GDPD4: variants seen among roughly 807,000 people sequenced by gnomAD.
The protein encoded by GDPD4 is glycerophosphodiester phosphodiesterase domain containing 4, also known as glycerophosphodiester phosphodiesterase 6.
GDPD4 carries 60 observed loss-of-function variants against 67.8 expected under a neutral mutation model. The ratio of observed to expected loss-of-function variants is 0.88; its 90% CI spans 0.72 to 1.10. The LOEUF is 1.10. GDPD4 is among the 50% of genes least tolerant of loss of function. The pLI is 0.00. For missense variants in GDPD4, 623 were observed against 613.9 expected (o/e 1.01, Z -0.16); for synonymous variants, 212 against 210.9 (o/e 1.00, Z -0.04).
chr11:77,287,867 T>C (rs1449450751), intron 1 of GDPD4, among the ~76,000 whole-genome samples: 2 of 152,198 alleles, frequency 1.3e-5, no homozygotes, highest in Non-Finnish European at 2.9e-5. Context: ...CTTTCTCTCC[T>C]CTCCCATATG....
chr11:77,276,293 G>T, intron 4 of GDPD4, 73 bp from the exon 5 acceptor site: 1 of 1,136,940 alleles, frequency 8.8e-7, no homozygotes, highest in Non-Finnish European at 1.3e-6. Context: ...TGTTCCTATA[G>T]CTCCAAATTC....
At chr11:77,291,973 T>A (rs2135894507) in intron 1 of GDPD4, among the ~76,000 whole-genome samples, 1 of 152,298 alleles carries the variant, frequency 6.6e-6, no homozygotes, top group African/African-American at 2.4e-5. Flanking sequence ...GAGGTTGCGG[T>A]GAGCCAAGAT....
At chr11:77,224,578 C>G (rs541636764) in intron 16 of GDPD4, among the ~76,000 whole-genome samples, 2 of 152,132 alleles carry the variant, frequency 1.3e-5, no homozygotes, top group Non-Finnish European at 2.9e-5. Context: ...CTGCTAACAG[C>G]CATTGAGAAA....
rs1299204150 is a variant in GDPD4, at chr11:77,252,064, TG to T, written c.864+6321del. Among the ~76,000 whole-genome samples, 425 of 72,088 alleles carry T rather than the reference TG, an allele frequency of 5.9e-3. 4 individuals are homozygous for T. The highest frequency in any genetic ancestry group is 0.022 in the Middle Eastern group (2 of 90). The allele number at this position is 72,088 out of a possible 152,430, so 47.3% of individuals were successfully genotyped here. Reference sequence around the variant, plus strand: ...TTTTTTTGTTTGTTTGTTTTTTTTTTGTTTTTTTTTTTTTTTTGAGACAGAG... The same window carrying T: ...TTTTTTTGTTTGTTTGTTTTTTTTTTTTTTTTTTTTTTTTTTGAGACAGAG... On this transcript the variant is annotated intron_variant, in intron 11 of 16. Coordinates refer to ENST00000315938, the MANE Select transcript of GDPD4 (RefSeq NM_182833.3).
intron 13 of GDPD4, among the ~76,000 whole-genome samples, chr11:77,235,009 G>GGTTTTTTTT (rs1958524240): frequency 5.7e-5 from 3 of 52,254 alleles, no homozygotes; most frequent in Admixed American, 2.7e-4. Flanking sequence ...GTCAATATCT[G>GGTTTTTTTT]TTTTTTTTTT....
chr11:77,265,626 C>A lies in GDPD4; in HGVS notation c.707+2831G>T, dbSNP rs142239409. Among the ~76,000 whole-genome samples the A allele has an allele frequency of 3.1e-3, 477 of 152,144 alleles. 4 individuals carry two copies. The highest frequency in any genetic ancestry group is 0.011 in the African/African-American group (456 of 41,520). The stretch of plus-strand genomic sequence containing the variant: ...AAACTGACACTGATAAAATCTGTGA[C>A]CTCATTCAGATTTCATTCGTTTTAC... On this transcript the variant is annotated intron_variant, in intron 10 of 16. Transcript: ENST00000315938.
At chr11:77,301,564 CTGCTTAGGGAGGAAG>C (rs1938161292) in intron 1 of GDPD4, 26 bp downstream of exon 1, 1 of 152,218 alleles carries the variant, frequency 6.6e-6, no homozygotes, top group African/African-American at 2.4e-5. Flanking sequence ...GCTTCTGGTG[CTGCTTAGGGAGGAAG>C]CACGGAACTG....
intron 16 of GDPD4, among the ~76,000 whole-genome samples, chr11:77,226,857 T>C (rs1958349645): frequency 6.6e-6 from 1 of 152,228 alleles, no homozygotes; most frequent in Non-Finnish European, 1.5e-5. Flanking sequence ...TTCTATTTAA[T>C]TTATTCAAAT....
chr11:77,223,644 G>A (rs757530599), intron 16 of GDPD4, among the ~76,000 whole-genome samples: 50 of 152,060 alleles, frequency 3.3e-4, no homozygotes, highest in African/African-American at 7.5e-4. Flanking sequence ...TAGGATACAC[G>A]GGGGTCAGGG....
chr11:77,276,715 A>T (rs574004666), intron 4 of GDPD4, among the ~76,000 whole-genome samples: 51 of 152,196 alleles, frequency 3.4e-4, no homozygotes, highest in Non-Finnish European at 6.5e-4. Context: ...CAAATCTTGG[A>T]TTTTAATCTA....
chr11:77,247,025 A>G (rs1958795635), intron 11 of GDPD4, among the ~76,000 whole-genome samples: 1 of 152,204 alleles, frequency 6.6e-6, no homozygotes, highest in South Asian at 2.1e-4. Context: ...CTTTATCTTC[A>G]TTCTCTTTCA....
Position 77,226,097 on chromosome 11 carries a change from T to C in GDPD4, c.1525+1767A>G, listed in dbSNP as rs886179589. Among the ~76,000 whole-genome samples the C allele has an allele frequency of 9.2e-5, 14 of 152,308 alleles. No homozygotes were observed. In the East Asian group the frequency reaches 1.2e-3, roughly 13 times the overall value. Reference sequence around the variant, plus strand: ...ACCTTTTCTCATCACCATTTTAGCATAGTAGTGGGTAGGGTCAAGTTAACT... The same window carrying C: ...ACCTTTTCTCATCACCATTTTAGCACAGTAGTGGGTAGGGTCAAGTTAACT... On this transcript the variant is annotated intron_variant, in intron 16 of 16. Transcript: ENST00000315938.
Position 77,245,443 on chromosome 11 carries a change from AT to A in GDPD4, c.923del (p.Asn308IlefsTer7). On this transcript the variant is annotated frameshift_variant, in exon 12 of 17. Transcript: ENST00000315938. LOFTEE classifies it high-confidence loss of function. ...LSEADKERAR[N>X]QSIPTLADLL... ...AATCAGCTAGTGTTGGAATTGACTG[AT>A]TTCTTGCTCTTTCTTTATCTGCCTC... The A allele has an allele frequency of 6.2e-7, 1 of 1,614,146 alleles. No individual in the cohort carries two copies. The highest frequency in any genetic ancestry group is 1.1e-5 in the South Asian group (1 of 91,086).
At chr11:77,272,252 T>G (rs999657246) in intron 5 of GDPD4, among the ~76,000 whole-genome samples, 1 of 152,194 alleles carries the variant, frequency 6.6e-6, no homozygotes, top group African/African-American at 2.4e-5. Context: ...CTTTATAACA[T>G]CTTAAGAGTG....
intron 10 of GDPD4, among the ~76,000 whole-genome samples, chr11:77,262,995 AAAC>A (rs771228924): frequency 3.7e-4 from 56 of 152,130 alleles, no homozygotes; most frequent in Non-Finnish European, 7.1e-4. Context: ...TGCTTGAAGA[AAAC>A]AACTGTCAAC....
chr11:77,289,049 G>C (rs1173794083), intron 1 of GDPD4, among the ~76,000 whole-genome samples: 3 of 148,560 alleles, frequency 2.0e-5, no homozygotes, highest in Non-Finnish European at 4.5e-5. Flanking sequence ...AAGCGGGAGA[G>C]AGAAAGAAAG....
intron 11 of GDPD4, among the ~76,000 whole-genome samples, chr11:77,248,065 A>AG (rs1335995437): frequency 1.3e-5 from 2 of 151,360 alleles, no homozygotes; most frequent in Non-Finnish European, 3.0e-5. Flanking sequence ...AAAAAAAAAA[A>AG]AAAAAAGAAA....
chr11:77,289,550 T>C (rs1937694523), intron 1 of GDPD4, among the ~76,000 whole-genome samples: 1 of 151,580 alleles, frequency 6.6e-6, no homozygotes, highest in African/African-American at 2.4e-5. Flanking sequence ...GCCAACATGA[T>C]GAAACCCCGT....
chr11:77,243,110 ATAGT>A (rs1279684106), intron 13 of GDPD4, among the ~76,000 whole-genome samples: 4 of 152,212 alleles, frequency 2.6e-5, no homozygotes, highest in Admixed American at 6.5e-5. Context: ...ATGTTTAATA[ATAGT>A]TAAGTTTGGA....
Sources: gnomAD v4.1 joint callset for allele counts (sites outside exome capture counted in the v4.1 genomes callset) on GRCh38, gnomAD v4.1.1 for gene constraint, MANE v1.5 for transcripts, NCBI Gene and HGNC (gene_info 2026-07-23, HGNC 2026-07-21) for gene names.